TUBA1C: variants seen among roughly 807,000 people sequenced by gnomAD.
TUBA1C encodes tubulin alpha 1c.
A neutral mutation model predicts 34.9 loss-of-function variants in TUBA1C; 16 were observed. That is an observed-to-expected ratio of 0.46 (90% CI 0.31 to 0.70). The LOEUF (loss-of-function observed/expected upper bound fraction) is 0.70, where lower values mean the gene tolerates loss of function less well. Ranked by LOEUF, TUBA1C falls within the 30% of genes least tolerant of loss-of-function variation. The probability of loss-of-function intolerance (pLI) is 0.05; values close to 1 mark genes in which losing one functional copy is unlikely to be tolerated. For missense variants in TUBA1C, 329 were observed against 587.3 expected (o/e 0.56, Z 4.55); for synonymous variants, 177 against 215.9 (o/e 0.82, Z 1.58).
intron 1 of TUBA1C, among the ~76,000 whole-genome samples, chr12:49,259,806 T>C (rs2137010246): frequency 6.6e-6 from 1 of 152,364 alleles, no homozygotes; most frequent in East Asian, 1.9e-4. Context: ...GCTTTAATTA[T>C]GTACGAAAAA....
At chr12:49,265,044 C>A, upstream of TUBA1C, 2 of 1,221,450 alleles carry the variant, frequency 1.6e-6, no homozygotes, top group Non-Finnish European at 2.1e-6. Context: ...TGGCCGGGGA[C>A]CGGGTATATA....
chr12:49,273,235 G>C lies in TUBA1C; in HGVS notation c.*8G>C. ...GAGGGTGAAGAGTATTAACCTGTGT[G>C]CTGTACTTTTACACTCCTTTGTCTT... On this transcript the variant is annotated 3_prime_UTR_variant, in exon 4 of 4. Coordinates refer to ENST00000301072, the MANE Select transcript of TUBA1C (RefSeq NM_032704.5). 1 of 1,614,178 alleles carries C rather than the reference G, an allele frequency of 6.2e-7. No individual in the cohort carries two copies. The highest frequency in any genetic ancestry group is 1.3e-5 in the African/African-American group (1 of 75,046).
At chr12:49,252,309 C>T (rs550568108) in intron 1 of TUBA1C, among the ~76,000 whole-genome samples, 3 of 152,300 alleles carry the variant, frequency 2.0e-5, no homozygotes, top group South Asian at 4.1e-4. Flanking sequence ...TCTTCAAGTG[C>T]TCTTTTCACC....
At chr12:49,242,600 T>TG (rs1204624007) in intron 1 of TUBA1C, among the ~76,000 whole-genome samples, 1 of 152,092 alleles carries the variant, frequency 6.6e-6, no homozygotes, top group Non-Finnish European at 1.5e-5. Flanking sequence ...CCCGAGTAGC[T>TG]GGGACTGAAG....
At chr12:49,265,077 C>G (rs745445804), upstream of TUBA1C, 2 of 1,424,638 alleles carry the variant, frequency 1.4e-6, no homozygotes, top group Admixed American at 2.2e-5. Context: ...GCCGGCCACC[C>G]TTTCACTACT....
chr12:49,243,328 C>T (rs928329716), intron 1 of TUBA1C, among the ~76,000 whole-genome samples: 1 of 152,068 alleles, frequency 6.6e-6, no homozygotes, highest in African/African-American at 2.4e-5. Flanking sequence ...GGAGTCCCAG[C>T]TACTAGCCAA....
chr12:49,234,589 T>G (rs949148884), intron 1 of TUBA1C, among the ~76,000 whole-genome samples: 1 of 152,212 alleles, frequency 6.6e-6, no homozygotes, highest in Non-Finnish European at 1.5e-5. Flanking sequence ...CCGAGCGCTC[T>G]GTCCCCGGTG....
intron 1 of TUBA1C, among the ~76,000 whole-genome samples, chr12:49,234,984 A>G (rs1321506579): frequency 6.6e-6 from 1 of 151,416 alleles, no homozygotes; most frequent in African/African-American, 2.4e-5. Flanking sequence ...CGCCCATCTG[A>G]TTTTTGTATT....
At chr12:49,253,566 T>G (rs1202361292) in intron 1 of TUBA1C, among the ~76,000 whole-genome samples, 4 of 152,048 alleles carry the variant, frequency 2.6e-5, no homozygotes, top group Non-Finnish European at 5.9e-5. Context: ...AGAGAGGGTT[T>G]CACTCTTGCC....
intron 1 of TUBA1C, among the ~76,000 whole-genome samples, chr12:49,241,992 T>TC (rs1942621960): frequency 7.9e-6 from 1 of 126,654 alleles, no homozygotes; most frequent in East Asian, 2.2e-4. Context: ...TCTTTCTTTC[T>TC]TTTTTTTTTT....
chr12:49,272,973 G>A lies in TUBA1C; in HGVS notation c.1096G>A (p.Gly366Arg), dbSNP rs146417733. The A allele has an allele frequency of 5.0e-6, 8 of 1,614,090 alleles. No homozygotes were observed. The highest frequency in any genetic ancestry group is 2.2e-5 in the South Asian group (2 of 91,088). Residue 366 changes from glycine to arginine, a missense_variant, in exon 4 of 4, where the codon GGA becomes AGA. Around this residue, in one of 4 missense-constraint regions of TUBA1C, gnomAD observed 140 missense variants for 289.8 expected, o/e 0.48. Transcript: ENST00000301072. ...NYQPPTVVPG[G>R]DLAKVQRAVC... is the part of the protein sequence containing the mutation. The stretch of plus-strand genomic sequence containing the variant: ...CCAGCCTCCCACTGTGGTGCCTGGC[G>A]GAGACCTGGCCAAGGTACAGAGAGC...
chr12:49,266,730 T>C (rs1277256703), intron 1 of TUBA1C, among the ~76,000 whole-genome samples: 1 of 151,932 alleles, frequency 6.6e-6, no homozygotes, highest in Non-Finnish European at 1.5e-5. Flanking sequence ...GTGCCTGTAG[T>C]CCCAGCTTCT....
rs533168048 is a variant in TUBA1C at position 49,235,111 on chromosome 12, C to T, written c.213+6945C>T. 9.6e-3 allele frequency among the ~76,000 whole-genome samples: 1,349 copies of T among 141,126 alleles called. 13 individuals are homozygous for T. Among genetic ancestry groups the T allele is most frequent in the Non-Finnish European group, 0.016 (1,043 of 66,292 alleles). The allele number at this position is 141,126 out of a possible 152,430, so 92.6% of individuals were successfully genotyped here. On this transcript the variant is annotated intron_variant, in intron 1 of 3. Transcript: ENST00000541364. ...GATTACAGGCGTGAGCGACTGCGCCCGGCCAAAAAAAAAAAAAAAATTAAT... is the reference window on the plus strand; with the variant it reads ...GATTACAGGCGTGAGCGACTGCGCCTGGCCAAAAAAAAAAAAAAAATTAAT...
intron 1 of TUBA1C, among the ~76,000 whole-genome samples, chr12:49,235,113 G>T (rs539656971): frequency 1.8e-4 from 24 of 131,390 alleles, no homozygotes; most frequent in Middle Eastern, 8.3e-3. Flanking sequence ...ACTGCGCCCG[G>T]CCAAAAAAAA....
At position 49,270,935 on chromosome 12, in the gene TUBA1C, T is replaced by C. The variant is rs533530133; in HGVS notation, c.375+959T>C. 9.9e-5 allele frequency among the ~76,000 whole-genome samples: 15 copies of C among 152,132 alleles called. No homozygotes were observed. In the East Asian group the frequency reaches 1.2e-3, roughly 12 times the overall value. On this transcript the variant is annotated intron_variant, in intron 3 of 3. Coordinates refer to ENST00000301072, the MANE Select transcript of TUBA1C (RefSeq NM_032704.5). The stretch of plus-strand genomic sequence containing the variant: ...CGGAGCTTGCAGTGAGCCGAGATCG[T>C]GCCACTGCACTCCAGCCTGGGCGAC...
At chr12:49,235,639 G>A (rs1942546677) in intron 1 of TUBA1C, among the ~76,000 whole-genome samples, 1 of 151,470 alleles carries the variant, frequency 6.6e-6, no homozygotes, top group Non-Finnish European at 1.5e-5. Context: ...GGAGGCTGAG[G>A]CAGAATTGCT....
intron 1 of TUBA1C, among the ~76,000 whole-genome samples, chr12:49,243,506 C>T (rs944323847): frequency 7.2e-5 from 11 of 152,264 alleles, no homozygotes; most frequent in African/African-American, 2.6e-4. Context: ...GGAGCTCCTC[C>T]GTCAGTCATG....
At chr12:49,243,528 A>G (rs180682004) in intron 1 of TUBA1C, among the ~76,000 whole-genome samples, 4 of 152,266 alleles carry the variant, frequency 2.6e-5, no homozygotes, top group Non-Finnish European at 5.9e-5. Context: ...TGCTTCTCCA[A>G]TTATCCCTTT....
intron 1 of TUBA1C, among the ~76,000 whole-genome samples, chr12:49,249,199 G>C (rs1028168197): frequency 1.3e-5 from 2 of 151,856 alleles, no homozygotes; most frequent in Non-Finnish European, 2.9e-5. Context: ...AGGCCGAGTC[G>C]GGCTGATCCC....
Sources: gnomAD v4.1 joint callset for allele counts (sites outside exome capture counted in the v4.1 genomes callset) on GRCh38, gnomAD v4.1.1 for gene constraint, gnomAD v4.1.1 regional missense constraint, MANE v1.5 for transcripts, NCBI Gene and HGNC (gene_info 2026-07-23, HGNC 2026-07-21) for gene names.